Variants in FAM193A observed in about 807,000 individuals in gnomAD.
FAM193A encodes protein FAM193A.
FAM193A carries 22 observed loss-of-function variants against 126.5 expected under a neutral mutation model. That is an observed-to-expected ratio of 0.17 (90% CI 0.12 to 0.25). The LOEUF is 0.25. FAM193A is among the 10% of genes least tolerant of loss of function. The pLI, the probability that FAM193A is intolerant of heterozygous loss-of-function variation, is 1.00. For synonymous variants in FAM193A, 761 were observed against 646.8 expected (o/e 1.18, Z -2.68); for missense variants, 1,675 against 1,672.8 (o/e 1.00, Z -0.02).
chr4:2,563,624 A>G (rs777783683), intron 1 of FAM193A, among the ~76,000 whole-genome samples: 10 of 152,240 alleles, frequency 6.6e-5, no homozygotes, highest in Admixed American at 1.3e-4. Flanking sequence ...TGGAACAACA[A>G]GGACATTTAT....
chr4:2,631,209 C>T (rs1377299968), intron 5 of FAM193A, 40 bp downstream of exon 5: 1 of 1,559,028 alleles, frequency 6.4e-7, no homozygotes, highest in Non-Finnish European at 8.7e-7. Flanking sequence ...TTTGGATGAG[C>T]TGAAGAGAAG....
intron 10 of FAM193A, 39 bp from the exon 11 acceptor site, chr4:2,662,799 A>G (rs1712619206): frequency 6.4e-7 from 1 of 1,559,440 alleles, no homozygotes; most frequent in Non-Finnish European, 8.8e-7. Flanking sequence ...GTCTTTCACA[A>G]TTGAATGACC....
rs971259925 is a variant in FAM193A at position 2,662,909 on chromosome 4, A to G, written c.1817A>G (p.Asp606Gly). Reference protein sequence around the residue: ...FADIYPLSNYDDTEVVANMNG... With the variant: ...FADIYPLSNYGDTEVVANMNG... ...GATATTTATCCATTGAGTAATTATGATGATACCGAGGTGGTGGCCAACATG... is the reference window on the plus strand; with the variant it reads ...GATATTTATCCATTGAGTAATTATGGTGATACCGAGGTGGTGGCCAACATG... The change falls in exon 11 of 21, where the codon GAT becomes GGT. Residue 606 changes from aspartate to glycine, a missense_variant. Physicochemically the swap from Asp to Gly is moderately conservative, Grantham distance 94 (BLOSUM62 -1). Around this residue, in one of 4 missense-constraint regions of FAM193A, gnomAD observed 1,186 missense variants for 1,109.2 expected, o/e 1.07. Coordinates refer to ENST00000637812, the MANE Select transcript of FAM193A (RefSeq NM_001366318.2). The G allele has an allele frequency of 1.2e-6, 2 of 1,613,648 alleles. No individual in the cohort carries two copies. Among genetic ancestry groups the G allele is most frequent in the Admixed American group, 1.7e-5 (1 of 59,972 alleles).
intron 12 of FAM193A, among the ~76,000 whole-genome samples, chr4:2,665,877 C>T (rs1446300976): frequency 1.3e-5 from 2 of 152,158 alleles, no homozygotes; most frequent in African/African-American, 2.4e-5. Flanking sequence ...GACGGAGTCT[C>T]GCTCTGTTGC....
chr4:2,707,638 A>C (rs1718452144), intron 19 of FAM193A, among the ~76,000 whole-genome samples: 1 of 152,092 alleles, frequency 6.6e-6, no homozygotes, highest in South Asian at 2.1e-4. Context: ...TTCTTTAAAA[A>C]AAATTTTTTT....
At chr4:2,562,096 C>G (rs188654893) in intron 1 of FAM193A, among the ~76,000 whole-genome samples, 1 of 152,216 alleles carries the variant, frequency 6.6e-6, no homozygotes. Context: ...GTTAGATAAT[C>G]TCGAAGGCCT....
intron 4 of FAM193A, among the ~76,000 whole-genome samples, chr4:2,629,245 G>A (rs1345055497): frequency 6.6e-6 from 1 of 150,708 alleles, no homozygotes; most frequent in South Asian, 2.1e-4. Context: ...ATCTAAGTCC[G>A]ACATGCTAAG....
intron 20 of FAM193A, among the ~76,000 whole-genome samples, chr4:2,731,060 G>A (rs1276313238): frequency 6.6e-6 from 1 of 151,970 alleles, no homozygotes; most frequent in Admixed American, 6.6e-5. Context: ...GCTGGACGTG[G>A]TGGTGGGCAC....
chr4:2,614,220 A>G (rs914211985), intron 2 of FAM193A, among the ~76,000 whole-genome samples: 1 of 152,198 alleles, frequency 6.6e-6, no homozygotes, highest in African/African-American at 2.4e-5. Flanking sequence ...GTGAGTAAGC[A>G]TCCTCTTGCT....
chr4:2,604,057 G>T (rs1741381218), intron 2 of FAM193A, among the ~76,000 whole-genome samples: 1 of 151,942 alleles, frequency 6.6e-6, no homozygotes, highest in South Asian at 2.1e-4. Context: ...TGGCCAGGCT[G>T]GTCTCAAACT....
chr4:2,676,411 G>A (rs1380183781), intron 13 of FAM193A, among the ~76,000 whole-genome samples: 1 of 152,160 alleles, frequency 6.6e-6, no homozygotes, highest in African/African-American at 2.4e-5. Context: ...CATTTCCTTA[G>A]TGTTTAGTGA....
intron 14 of FAM193A, among the ~76,000 whole-genome samples, 179 bp from the exon 15 acceptor site, chr4:2,690,519 G>A (rs1399646553): frequency 1.3e-5 from 2 of 152,260 alleles, no homozygotes; most frequent in Non-Finnish European, 2.9e-5. Context: ...TTGGCACATA[G>A]TAGGTGCTCA....
intron 5 of FAM193A, among the ~76,000 whole-genome samples, chr4:2,638,169 GC>G (rs1345947715): frequency 2.6e-5 from 4 of 152,218 alleles, no homozygotes; most frequent in Admixed American, 6.5e-5. Context: ...TGATCCAGGT[GC>G]TGCATTCACT....
At chr4:2,655,936 T>A (rs1478315880) in intron 7 of FAM193A, among the ~76,000 whole-genome samples, 1 of 152,128 alleles carries the variant, frequency 6.6e-6, no homozygotes, top group Non-Finnish European at 1.5e-5. Context: ...GTCTCAAAGA[T>A]AATTTTATTT....
At chr4:2,689,456 G>GTAAGTAGT in intron 13 of FAM193A, 50 bp from the exon 14 acceptor site, 1 of 1,370,300 alleles carries the variant, frequency 7.3e-7, no homozygotes, top group Non-Finnish European at 1.0e-6. Context: ...ACTTACCTAG[G>GTAAGTAGT]TAAACAGAAT....
intron 19 of FAM193A, among the ~76,000 whole-genome samples, chr4:2,701,172 T>C (rs867377091): frequency 2.6e-5 from 4 of 151,408 alleles, no homozygotes; most frequent in Non-Finnish European, 4.4e-5. Context: ...AAGACACTTA[T>C]AAAACCACAG....
At chr4:2,560,361 T>C (rs1738536325) in intron 1 of FAM193A, among the ~76,000 whole-genome samples, 1 of 152,196 alleles carries the variant, frequency 6.6e-6, no homozygotes, top group African/African-American at 2.4e-5. Flanking sequence ...GGCCAGGCTG[T>C]ACCTTCCCTT....
rs1486533863 is a variant in FAM193A, at chr4:2,590,482, AAAAC to A, written c.256-5598_256-5595del. The stretch of plus-strand genomic sequence containing the variant: ...CCATCTCAAAAAAAAAAAACAAAAA[AAAAC>A]AAAAAAAAACAAAAAAAAACAAAAA... On this transcript the variant is annotated intron_variant, in intron 1 of 20. Coordinates refer to ENST00000637812, the MANE Select transcript of FAM193A (RefSeq NM_001366318.2). Among the ~76,000 whole-genome samples the A allele has an allele frequency of 2.1e-4, 20 of 96,050 alleles. 2 individuals carry two copies. The highest frequency in any genetic ancestry group is 5.1e-4 in the African/African-American group (8 of 15,812). The allele number at this position is 96,050 out of a possible 152,430, so 63.0% of individuals were successfully genotyped here.
chr4:2,697,110 G>A (rs911049103), intron 18 of FAM193A, among the ~76,000 whole-genome samples: 15 of 152,118 alleles, frequency 9.9e-5, no homozygotes, highest in African/African-American at 2.7e-4. Flanking sequence ...TTGATTAGAG[G>A]GGAGGAAAAT....
Sources: gnomAD v4.1 joint callset for allele counts (sites outside exome capture counted in the v4.1 genomes callset) on GRCh38, gnomAD v4.1.1 for gene constraint, gnomAD v4.1.1 regional missense constraint, MANE v1.5 for transcripts, NCBI Gene and HGNC (gene_info 2026-07-23, HGNC 2026-07-21) for gene names.